LRRC49: variants seen among roughly 807,000 people sequenced by gnomAD.
LRRC49 encodes the protein leucine rich repeat containing 49.
In LRRC49, 50 loss-of-function variants were observed where a neutral mutation model predicts 83.3. The observed-to-expected ratio is 0.60, with a 90% CI of 0.48 to 0.76. LRRC49 has a LOEUF of 0.76. Among genes scored for constraint, LRRC49 ranks in the 30% least tolerant of loss-of-function variants. LRRC49 has a pLI of 0.00. For missense variants in LRRC49, 704 were observed against 809.1 expected (o/e 0.87, Z 1.58); for synonymous variants, 286 against 283.3 (o/e 1.01, Z -0.10).
At position 70,995,430 on chromosome 15, in the gene LRRC49, A is replaced by G. The variant is rs533285171; in HGVS notation, c.1169+11173A>G. 6.6e-5 allele frequency among the ~76,000 whole-genome samples: 10 copies of G among 151,330 alleles called. No individual in the cohort carries two copies. The East Asian group carries it at 1.9e-3, about 29-fold the overall frequency. ...TATGGAAGCCATTGTTGTGGTTATCAGAGTGGATTGTTGGAAAAGAGTAAA... is the reference window on the plus strand; with the variant it reads ...TATGGAAGCCATTGTTGTGGTTATCGGAGTGGATTGTTGGAAAAGAGTAAA... On this transcript the variant is annotated intron_variant, in intron 11 of 15. Transcript: ENST00000260382.
chr15:70,893,695 A>G (rs760381979), intron 2 of LRRC49, 55 bp downstream of exon 2: 1 of 1,313,336 alleles, frequency 7.6e-7, no homozygotes, highest in East Asian at 2.3e-5. Flanking sequence ...ATTCTACACA[A>G]ATAGCAGCAT....
chr15:70,901,009 G>T lies in LRRC49; in HGVS notation c.281G>T (p.Arg94Met), dbSNP rs2034052471. The change falls in exon 4 of 16, where the codon AGG (arginine) becomes ATG (methionine). Residue 94 changes from arginine (R) to methionine (M), a missense_variant. Arg to Met is a moderately conservative substitution (Grantham distance 91, BLOSUM62 -1). Around this residue, in one of 3 missense-constraint regions of LRRC49, gnomAD observed 261 missense variants for 330.5 expected, o/e 0.79. Coordinates refer to ENST00000260382, the MANE Select transcript of LRRC49 (RefSeq NM_017691.5). ...GAAGAGAAAATTCTTTACTCAGACA[G>T]GTTGAGCCTAGAAAGGTGAGGACAA... ...SSEEKILYSD[R>M]LSLERQKLTV... 1.9e-6 allele frequency: 3 copies of T among 1,603,982 alleles called. No individual in the cohort carries two copies. Among genetic ancestry groups the T allele is most frequent in the Non-Finnish European group, 2.6e-6 (3 of 1,174,152 alleles).
chr15:70,984,023 T>G (rs546246252), intron 10 of LRRC49, 71 bp from the exon 11 acceptor site: 1 of 1,130,160 alleles, frequency 8.8e-7, no homozygotes, highest in African/African-American at 1.6e-5. Context: ...ACAAACAATA[T>G]GCCCCTTAGA....
chr15:70,971,345 CTGTT>C (rs1297141285), intron 9 of LRRC49, among the ~76,000 whole-genome samples: 1 of 152,104 alleles, frequency 6.6e-6, no homozygotes, highest in African/African-American at 2.4e-5. Context: ...GTCCGAGAGA[CTGTT>C]TGTTGTGATT....
intron 1 of LRRC49, among the ~76,000 whole-genome samples, chr15:70,860,732 T>C (rs2032769611): frequency 6.6e-6 from 1 of 152,238 alleles, no homozygotes; most frequent in Non-Finnish European, 1.5e-5. Context: ...TAGTTATCCA[T>C]AGGTGTGAGA....
intron 11 of LRRC49, among the ~76,000 whole-genome samples, chr15:71,007,080 T>C (rs2038484002): frequency 6.6e-6 from 1 of 152,030 alleles, no homozygotes; most frequent in African/African-American, 2.4e-5. Flanking sequence ...TTTTGTATTT[T>C]CTTGGTTGCA....
intron 2 of LRRC49, among the ~76,000 whole-genome samples, chr15:70,880,360 G>A (rs1444597567): frequency 1.3e-5 from 2 of 152,090 alleles, no homozygotes; most frequent in African/African-American, 2.4e-5. Flanking sequence ...AAAGGTAAGC[G>A]CCAGGACAGA....
intron 9 of LRRC49, among the ~76,000 whole-genome samples, chr15:70,975,939 A>G (rs2037190729): frequency 1.3e-5 from 2 of 152,264 alleles, no homozygotes; most frequent in Admixed American, 6.5e-5. Flanking sequence ...AATAATGTAT[A>G]TCATTTCCAG....
In LRRC49 at chr15:70,936,744, T is replaced by C; in HGVS notation, c.712-17T>C. 6.4e-7 allele frequency: 1 copy of C among 1,559,068 alleles called. No individual in the cohort carries two copies. Among genetic ancestry groups the C allele is most frequent in the Non-Finnish European group, 8.8e-7 (1 of 1,131,006 alleles). On this transcript the variant is annotated splice_polypyrimidine_tract_variant and intron_variant, in intron 7 of 15. Transcript: ENST00000260382. ...TTTCTTTCATCTGATTAAGTTTTGCTGTCTATTTTCTTCCAGAGAGATGTG... is the reference window on the plus strand; with the variant it reads ...TTTCTTTCATCTGATTAAGTTTTGCCGTCTATTTTCTTCCAGAGAGATGTG...
intron 8 of LRRC49, among the ~76,000 whole-genome samples, chr15:70,960,393 A>G (rs971426707): frequency 1.3e-5 from 2 of 152,232 alleles, no homozygotes; most frequent in Admixed American, 6.5e-5. Context: ...TAACTCATGT[A>G]TGTGGTCTGA....
At chr15:70,965,993 G>A (rs2036780529) in intron 9 of LRRC49, among the ~76,000 whole-genome samples, 2 of 152,190 alleles carry the variant, frequency 1.3e-5, no homozygotes, top group South Asian at 2.1e-4. Context: ...ACACAGTGAT[G>A]CCCATTCATT....
chr15:70,902,229 A>C (rs1208730872), intron 4 of LRRC49, among the ~76,000 whole-genome samples: 3 of 152,152 alleles, frequency 2.0e-5, no homozygotes, highest in Admixed American at 2.0e-4. Flanking sequence ...CAAGAATAGT[A>C]CCTCAGCCCT....
chr15:70,859,752 AG>A (rs1359985839), intron 1 of LRRC49: 1 of 720,376 alleles, frequency 1.4e-6, no homozygotes, highest in African/African-American at 1.7e-5. Flanking sequence ...CTGGCCGTTA[AG>A]GATGCCAACG....
chr15:70,883,040 C>T (rs2033306922), intron 2 of LRRC49: 2 of 808,872 alleles, frequency 2.5e-6, no homozygotes, highest in Non-Finnish European at 1.9e-6. Flanking sequence ...ATATTTGAAC[C>T]TAGGCAAGGT....
At chr15:71,042,458 A>C (rs1192655810) in intron 15 of LRRC49, among the ~76,000 whole-genome samples, 22 of 152,172 alleles carry the variant, frequency 1.4e-4, no homozygotes. Context: ...CTAATCTAAC[A>C]ATCAGGAGAT....
chr15:70,937,161 A>C (rs960179941), intron 8 of LRRC49, among the ~76,000 whole-genome samples: 4 of 152,312 alleles, frequency 2.6e-5, no homozygotes, highest in African/African-American at 9.6e-5. Flanking sequence ...AATTTCTTTC[A>C]TAAATTGTCA....
At chr15:71,003,937 C>T (rs1337323904) in intron 11 of LRRC49, among the ~76,000 whole-genome samples, 2 of 152,172 alleles carry the variant, frequency 1.3e-5, no homozygotes, top group African/African-American at 4.8e-5. Context: ...CATTCAGCCT[C>T]TCCCTACTAT....
chr15:70,875,328 G>T (rs1297528799), intron 2 of LRRC49, among the ~76,000 whole-genome samples: 1 of 152,132 alleles, frequency 6.6e-6, no homozygotes, highest in Non-Finnish European at 1.5e-5. Context: ...ATAACTAAAG[G>T]CAGGGCTCGG....
At chr15:70,982,683 T>G (rs982002118) in intron 10 of LRRC49, among the ~76,000 whole-genome samples, 1 of 152,186 alleles carries the variant, frequency 6.6e-6, no homozygotes, top group African/African-American at 2.4e-5. Flanking sequence ...CAGGTGTGAC[T>G]GTAGCACACT....
Sources: allele counts gnomAD v4.1 joint callset (sites outside exome capture counted in the v4.1 genomes callset), GRCh38; gene constraint gnomAD v4.1.1; regional missense constraint gnomAD v4.1.1; transcripts MANE v1.5; gene names NCBI Gene and HGNC (gene_info 2026-07-23, HGNC 2026-07-21).